Variants in TAOK3 observed in about 807,000 individuals in gnomAD.
TAOK3 encodes the protein TAO kinase 3.
A neutral mutation model predicts 120.4 loss-of-function variants in TAOK3; 40 were observed. The observed-to-expected ratio is 0.33, with a 90% CI of 0.26 to 0.43. The LOEUF (loss-of-function observed/expected upper bound fraction) is 0.43, where lower values mean the gene tolerates loss of function less well. TAOK3 is among the 20% of genes least tolerant of loss of function. TAOK3 has a pLI of 1.00. For missense variants in TAOK3, 821 were observed against 1,112.1 expected (o/e 0.74, Z 3.72); for synonymous variants, 355 against 387.5 (o/e 0.92, Z 0.99).
intron 17 of TAOK3, among the ~76,000 whole-genome samples, chr12:118,169,536 C>T (rs1412412858): frequency 6.6e-6 from 1 of 151,812 alleles, no homozygotes; most frequent in Non-Finnish European, 1.5e-5. Flanking sequence ...GTCTCGAACT[C>T]CTGACCTCAA....
rs139261722 is a variant in TAOK3 at position 118,287,909 on chromosome 12, G to C, written c.-193-21150C>G. ...CACCAAATACACAACAGCACTGTGA[G>C]AGCTCTGTATTTATAACTTTTGACT... is the stretch of plus-strand genomic sequence containing the variant. On this transcript the variant is annotated intron_variant, in intron 1 of 20. Transcript: ENST00000392533. Among the ~76,000 whole-genome samples the C allele has an allele frequency of 6.6e-5, 10 of 152,144 alleles. No homozygotes were observed. In the East Asian group the frequency reaches 1.7e-3, roughly 26 times the overall value.
At chr12:118,346,653 G>T (rs1400319087) in intron 1 of TAOK3, among the ~76,000 whole-genome samples, 1 of 152,130 alleles carries the variant, frequency 6.6e-6, no homozygotes, top group Non-Finnish European at 1.5e-5. Context: ...GGCCTAACTG[G>T]TAGTCTATAT....
intron 14 of TAOK3, among the ~76,000 whole-genome samples, chr12:118,185,315 C>T (rs2037007315): frequency 6.6e-6 from 1 of 152,082 alleles, no homozygotes; most frequent in African/African-American, 2.4e-5. Context: ...AAATTCGGCC[C>T]TAAAACAAAC....
intron 1 of TAOK3, among the ~76,000 whole-genome samples, chr12:118,356,551 C>T (rs1203176858): frequency 4.6e-5 from 7 of 151,822 alleles, no homozygotes; most frequent in African/African-American, 1.7e-4. Context: ...ATTCCAACTT[C>T]GGCCTCCCAA....
At position 118,214,064 on chromosome 12, in the gene TAOK3, T is replaced by C. The variant is rs760105078; in HGVS notation, c.690A>G (p.Leu230=). 1.2e-6 allele frequency: 2 copies of C among 1,610,656 alleles called. No individual in the cohort carries two copies. The highest frequency in any genetic ancestry group is 1.7e-6 in the Non-Finnish European group (2 of 1,178,930). Residue 230 remains leucine (L), a synonymous_variant, in exon 10 of 21, where the codon TTA becomes TTG. Coordinates refer to ENST00000392533, the MANE Select transcript of TAOK3 (RefSeq NM_016281.4). Reference sequence around the variant, plus strand: ...GGGAGTCATTCTGGGCAATGTGATATAAGGCACTCATTGCATTCATGTTGA... The same window carrying C: ...GGGAGTCATTCTGGGCAATGTGATACAAGGCACTCATTGCATTCATGTTGA... ...PLFNMNAMSA[L]YHIAQNDSPT... is the part of the protein sequence containing the mutation.
intron 1 of TAOK3, among the ~76,000 whole-genome samples, chr12:118,295,001 T>C (rs1294967475): frequency 6.6e-6 from 1 of 152,052 alleles, no homozygotes; most frequent in Non-Finnish European, 1.5e-5. Flanking sequence ...TAGATATAAA[T>C]ATGGAGTTCA....
intron 11 of TAOK3, among the ~76,000 whole-genome samples, chr12:118,202,062 T>C (rs888644109): frequency 2.0e-5 from 3 of 151,702 alleles, no homozygotes; most frequent in Non-Finnish European, 4.4e-5. Context: ...TGTGTCTGGT[T>C]TATCTCACTT....
intron 14 of TAOK3, among the ~76,000 whole-genome samples, chr12:118,188,654 A>G (rs572176361): frequency 6.6e-6 from 1 of 152,336 alleles, no homozygotes; most frequent in Non-Finnish European, 1.5e-5. Context: ...AGATAATCGA[A>G]GCCTTTAAAA....
At chr12:118,151,287 GCGCA>G (rs66786702) in intron 20 of TAOK3, 129 bp from the exon 21 acceptor site, 167,149 of 459,006 alleles carry the variant, frequency 0.36, 14,474 homozygotes, top group Admixed American at 0.44. Flanking sequence ...GTGCGCGCGC[GCGCA>G]CACACACACA....
chr12:118,182,597 G>GTATATA (rs1291003929), intron 14 of TAOK3, among the ~76,000 whole-genome samples: 11 of 77,492 alleles, frequency 1.4e-4, no homozygotes, highest in African/African-American at 3.7e-4. Context: ...GTGTGTGTGT[G>GTATATA]TGTATATATA....
intron 17 of TAOK3, among the ~76,000 whole-genome samples, chr12:118,169,006 TTTC>T (rs2035807472): frequency 6.7e-6 from 1 of 149,746 alleles, no homozygotes; most frequent in Non-Finnish European, 1.5e-5. Flanking sequence ...CCTTCCTTTC[TTTC>T]TTTCTTTCTT....
rs1182044643 is a variant in TAOK3 at position 118,201,479 on chromosome 12, G to C, written c.820-16C>G. On this transcript the variant is annotated splice_polypyrimidine_tract_variant and intron_variant, in intron 11 of 20. Transcript: ENST00000392533. ...CAAAGTCATGCTGATTGAGGGAGGA[G>C]GAAAAAATAAACTGATAATGAAGAA... is the stretch of plus-strand genomic sequence containing the variant. 1.3e-6 allele frequency: 2 copies of C among 1,584,592 alleles called. No individual in the cohort carries two copies. Among genetic ancestry groups the C allele is most frequent in the Non-Finnish European group, 1.7e-6 (2 of 1,164,910 alleles).
intron 12 of TAOK3, 173 bp from the exon 13 acceptor site, chr12:118,199,430 C>T (rs1299909291): frequency 4.8e-6 from 3 of 620,504 alleles, no homozygotes; most frequent in Non-Finnish European, 8.7e-6. Flanking sequence ...TTTCATACAT[C>T]TCATATTTGC....
At chr12:118,244,797 G>T in intron 4 of TAOK3, 97 bp downstream of exon 4, 1 of 812,904 alleles carries the variant, frequency 1.2e-6, no homozygotes, top group Admixed American at 1.9e-5. Context: ...CAAAGTGCTG[G>T]GATTACAGGC....
chr12:118,298,619 T>C (rs1431665834), intron 1 of TAOK3, among the ~76,000 whole-genome samples: 1 of 152,162 alleles, frequency 6.6e-6, no homozygotes, highest in Non-Finnish European at 1.5e-5. Flanking sequence ...GAAGTGAAGA[T>C]GATATGTTAT....
intron 4 of TAOK3, among the ~76,000 whole-genome samples, 200 bp from the exon 5 acceptor site, chr12:118,243,716 G>C (rs1016847519): frequency 6.6e-6 from 1 of 151,758 alleles, no homozygotes; most frequent in African/African-American, 2.4e-5. Flanking sequence ...TTGCTCTATC[G>C]CCCAGGCTGG....
chr12:118,275,710 G>T (rs1406373671), intron 1 of TAOK3, among the ~76,000 whole-genome samples: 1 of 151,940 alleles, frequency 6.6e-6, no homozygotes, highest in Non-Finnish European at 1.5e-5. Flanking sequence ...AAGGCTTTAG[G>T]TTCTTTCCTG....
Position 118,246,249 on chromosome 12 carries a change from G to A in TAOK3, c.121-1284C>T, listed in dbSNP as rs560152318. 530 of 1,478,468 alleles carry A rather than the reference G, an allele frequency of 3.6e-4. 9 individuals are homozygous for A. The South Asian group carries it at 5.7e-3, about 16-fold the overall frequency. The allele number at this position is 1,478,468 out of a possible 1,614,324, so 91.6% of individuals were successfully genotyped here. A position where few individuals can be genotyped will look rare whatever the true frequency, so the allele number is the denominator to read the frequency against. ...CCGCGGAGCTCGCGGAGGCAAGGCCGAGGATAAGGAGTGGATGCCCGTCAC... is the reference window on the plus strand; with the variant it reads ...CCGCGGAGCTCGCGGAGGCAAGGCCAAGGATAAGGAGTGGATGCCCGTCAC... On this transcript the variant is annotated intron_variant, in intron 3 of 20. Transcript: ENST00000392533.
At chr12:118,217,306 A>C (rs1304829199) in intron 9 of TAOK3, among the ~76,000 whole-genome samples, 1 of 152,202 alleles carries the variant, frequency 6.6e-6, no homozygotes, top group Admixed American at 6.5e-5. Context: ...AGTAGCACTT[A>C]AGCAGATGAC....
Sources: gnomAD v4.1 joint callset for allele counts (sites outside exome capture counted in the v4.1 genomes callset) on GRCh38, gnomAD v4.1.1 for gene constraint, MANE v1.5 for transcripts, NCBI Gene and HGNC (gene_info 2026-07-23, HGNC 2026-07-21) for gene names.